Variants in TAF1 observed in about 807,000 individuals in gnomAD.
The protein encoded by TAF1 is transcription initiation factor TFIID subunit 1.
Under a neutral mutation model 138.5 loss-of-function variants are expected in TAF1, and 2 were observed. The observed-to-expected ratio is 0.01, with a 90% CI of 0.01 to 0.05. TAF1 has a LOEUF of 0.05. Ranked by LOEUF, TAF1 falls within the 10% of genes least tolerant of loss-of-function variation. TAF1 has a pLI of 1.00. For synonymous variants in TAF1, 437 were observed against 503.2 expected, an observed-to-expected ratio of 0.87 and a Z score of 1.76; for missense variants, 709 against 1,478.0, an observed-to-expected ratio of 0.48 and a Z score of 8.53.
At chrX:71,402,151 C>T (rs187217742) in intron 25 of TAF1, among the ~76,000 whole-genome samples, 1 of 112,026 alleles carries the variant, frequency 8.9e-6, no homozygotes, top group Admixed American at 9.5e-5. Context: ...CAAAGTGTTG[C>T]TCTGTTTTCC....
chrX:71,416,414 G>A (rs1481653743), intron 28 of TAF1, among the ~76,000 whole-genome samples: 2 of 108,135 alleles, frequency 1.8e-5, no homozygotes, highest in Admixed American at 9.9e-5. Context: ...GAAGAAACGT[G>A]GCTTTCAGAG....
chrX:71,489,241 G>A (rs1158107002), intron 13 of TAF1, among the ~76,000 whole-genome samples: 1 of 111,174 alleles, frequency 9.0e-6, no homozygotes, highest in Non-Finnish European at 1.9e-5. Flanking sequence ...TTGGCCAAAT[G>A]TAGAAGTCCC....
intron 17 of TAF1, 75 bp downstream of exon 17, chrX:71,388,943 A>G (rs1021309693): frequency 1.2e-5 from 13 of 1,093,556 alleles, no homozygotes; most frequent in Non-Finnish European, 1.6e-5. Flanking sequence ...CAGAGAGATG[A>G]GAGAGAAGAT....
intron 22 of TAF1, among the ~76,000 whole-genome samples, chrX:71,395,073 T>C (rs2034775977): frequency 8.9e-6 from 1 of 111,745 alleles, no homozygotes; most frequent in African/African-American, 3.3e-5. Context: ...AAAAAGAGTT[T>C]TAAAATTGTA....
At chrX:71,501,468 G>C (rs1475092660) in intron 13 of TAF1, among the ~76,000 whole-genome samples, 1 of 111,208 alleles carries the variant, frequency 9.0e-6, no homozygotes, top group Non-Finnish European at 1.9e-5. Flanking sequence ...GAGAAGAGAG[G>C]CAGGAGGAAG....
intron 30 of TAF1, 30 bp from the exon 31 acceptor site, chrX:71,423,944 A>G (rs890418077): frequency 2.2e-5 from 25 of 1,123,143 alleles, no homozygotes; most frequent in African/African-American, 5.5e-5. Context: ...AGTGGTTTCC[A>G]TTTAATTTCT....
rs146997240 is a variant in TAF1, at chrX:71,525,008, T to A, written c.1367-3534T>A. ...ATGTTTGAATGACAAAGCCATTAAGTTTGACTTAAGACCTTTACCTCTGTG... is the reference window on the plus strand; with the variant it reads ...ATGTTTGAATGACAAAGCCATTAAGATTGACTTAAGACCTTTACCTCTGTG... On this transcript the variant is annotated intron_variant and NMD_transcript_variant, in intron 13 of 14. Transcript: ENST00000373775. Among the ~76,000 whole-genome samples, 30 of 110,192 alleles carry A rather than the reference T, an allele frequency of 2.7e-4. No homozygotes were observed. The East Asian group carries it at 4.8e-3, about 18-fold the overall frequency.
chrX:71,464,366 G>A lies in TAF1; in HGVS notation c.*320G>A. On this transcript the variant is annotated 3_prime_UTR_variant, in exon 38 of 38. Coordinates refer to ENST00000423759, the MANE Select transcript of TAF1 (RefSeq NM_004606.5). ...GTATAATTTTTCCCTGGGGAAGGAG[G>A]GGAAATTATGAAAGAACTAGTAACT... The A allele has an allele frequency of 2.7e-6, 1 of 373,558 alleles. No homozygotes were observed. Among genetic ancestry groups the A allele is most frequent in the South Asian group, 6.7e-5 (1 of 14,923 alleles). 30.8% of individuals were successfully genotyped at this position (373,558 alleles called of 1,213,427 possible). A position where few individuals can be genotyped will look rare whatever the true frequency, so the allele number is the denominator to read the frequency against.
At chrX:71,457,965 T>C (rs1238444794) in intron 34 of TAF1, among the ~76,000 whole-genome samples, 1 of 112,664 alleles carries the variant, frequency 8.9e-6, no homozygotes, top group East Asian at 2.8e-4. Context: ...ACTAGGTTAT[T>C]GACCAGAAAG....
intron 14 of TAF1, 155 bp from the exon 15 acceptor site, chrX:71,387,106 T>G: frequency 1.8e-6 from 1 of 556,508 alleles, no homozygotes; most frequent in Non-Finnish European, 2.8e-6. Context: ...TAGTCACATT[T>G]GATAATCTAT....
At chrX:71,421,147 C>T (rs183379490) in intron 28 of TAF1, among the ~76,000 whole-genome samples, 162 bp from the exon 29 acceptor site, 5 of 112,519 alleles carry the variant, frequency 4.4e-5, no homozygotes, top group East Asian at 2.8e-4. Context: ...GTTTTAGGTG[C>T]TGGAAAATGG....
intron 13 of TAF1, among the ~76,000 whole-genome samples, chrX:71,509,790 A>C (rs2039698851): frequency 9.1e-6 from 1 of 110,181 alleles, no homozygotes; most frequent in African/African-American, 3.3e-5. Flanking sequence ...TGGCCAACAC[A>C]GTGAAACCCC....
chrX:71,401,319 C>T (rs756655277), intron 24 of TAF1, among the ~76,000 whole-genome samples: 137 of 111,069 alleles, frequency 1.2e-3, no homozygotes, highest in Non-Finnish European at 2.2e-3. Context: ...TCCACTTATG[C>T]GTGGATCGTG....
intron 8 of TAF1, 74 bp downstream of exon 8, chrX:71,379,105 A>AT (rs916740866): frequency 0.081 from 36,276 of 450,497 alleles, 53 homozygotes; most frequent in Middle Eastern, 0.087. Flanking sequence ...CTCAGCTGTG[A>AT]TTTTTTTTTT....
intron 36 of TAF1, among the ~76,000 whole-genome samples, chrX:71,460,395 A>T (rs2038499908): frequency 8.9e-6 from 1 of 112,627 alleles, no homozygotes. Flanking sequence ...AAAAATACAG[A>T]TAGGTTGGCA....
At chrX:71,397,028 C>CAAA (rs745812030) in intron 22 of TAF1, among the ~76,000 whole-genome samples, 5 of 30,139 alleles carry the variant, frequency 1.7e-4, no homozygotes, top group Non-Finnish European at 3.2e-4. Context: ...GATCCTGTCT[C>CAAA]AAAAAAAAAA....
At chrX:71,367,657 C>T (rs746146197) in intron 2 of TAF1, 44 bp downstream of exon 2, 3 of 1,169,385 alleles carry the variant, frequency 2.6e-6, no homozygotes, top group Non-Finnish European at 3.5e-6. Context: ...GGAGGCTAGC[C>T]ACCTACTATG....
At chrX:71,373,454 C>T (rs2033241728) in intron 3 of TAF1, among the ~76,000 whole-genome samples, 2 of 111,415 alleles carry the variant, frequency 1.8e-5, no homozygotes, top group South Asian at 7.4e-4. Flanking sequence ...AGGTGTGAGC[C>T]ACCTCACTGG....
At chrX:71,449,128 G>A (rs1353938543) in intron 32 of TAF1, among the ~76,000 whole-genome samples, 2 of 112,381 alleles carry the variant, frequency 1.8e-5, no homozygotes, top group Non-Finnish European at 3.8e-5. Flanking sequence ...GAGTAGCTGG[G>A]ATTACAGGCA....
Sources: allele counts gnomAD v4.1 joint callset (sites outside exome capture counted in the v4.1 genomes callset), GRCh38; gene constraint gnomAD v4.1.1; transcripts MANE v1.5; gene names NCBI Gene and HGNC (gene_info 2026-07-23, HGNC 2026-07-21).